PLPPR1: variants seen among roughly 807,000 people sequenced by gnomAD.
PLPPR1 encodes phospholipid phosphatase related 1, also known as phospholipid phosphatase-related protein type 1.
PLPPR1 carries 10 observed loss-of-function variants against 33.1 expected under a neutral mutation model. The ratio of observed to expected loss-of-function variants is 0.30; its 90% CI spans 0.19 to 0.51. The LOEUF (loss-of-function observed/expected upper bound fraction) is 0.51. PLPPR1 is among the 20% of genes least tolerant of loss of function. The pLI is 0.97. For synonymous variants in PLPPR1, 151 were observed against 151.0 expected (o/e 1.00, Z 0.00); for missense variants, 304 against 408.1 (o/e 0.74, Z 2.20).
intron 1 of PLPPR1, among the ~76,000 whole-genome samples, chr9:101,178,048 C>T (rs1475711472): frequency 1.3e-5 from 2 of 152,188 alleles, no homozygotes; most frequent in Non-Finnish European, 2.9e-5. Flanking sequence ...TGGCCAAACA[C>T]TGTGAAGTTA....
intron 4 of PLPPR1, among the ~76,000 whole-genome samples, chr9:101,287,870 T>C (rs955429929): frequency 6.6e-6 from 1 of 152,126 alleles, no homozygotes; most frequent in Admixed American, 6.5e-5. Context: ...TAAAGTAACT[T>C]TTCCCCAGGA....
At chr9:101,069,204 C>T (rs979772252) in intron 1 of PLPPR1, among the ~76,000 whole-genome samples, 2 of 151,682 alleles carry the variant, frequency 1.3e-5, no homozygotes, top group African/African-American at 4.9e-5. Context: ...CTCCTGATAA[C>T]CTGTGAGTTG....
intron 3 of PLPPR1, among the ~76,000 whole-genome samples, chr9:101,273,333 A>G (rs1828132225): frequency 6.6e-6 from 1 of 152,218 alleles, no homozygotes; most frequent in African/African-American, 2.4e-5. Flanking sequence ...TGACTCTGGT[A>G]ACTTGGCATA....
intron 1 of PLPPR1, among the ~76,000 whole-genome samples, chr9:101,149,091 C>G (rs944263936): frequency 6.6e-6 from 1 of 152,104 alleles, no homozygotes; most frequent in Non-Finnish European, 1.5e-5. Flanking sequence ...TGTATTCTTG[C>G]AGAAATTTGC....
chr9:101,136,338 G>A (rs1831376819), intron 1 of PLPPR1, among the ~76,000 whole-genome samples: 1 of 152,230 alleles, frequency 6.6e-6, no homozygotes, highest in South Asian at 2.1e-4. Context: ...AGTTGAGAGA[G>A]TAAATACATG....
At chr9:101,196,792 G>C (rs896298891) in intron 2 of PLPPR1, among the ~76,000 whole-genome samples, 2 of 152,066 alleles carry the variant, frequency 1.3e-5, no homozygotes, top group African/African-American at 4.8e-5. Context: ...GTGAACCCGG[G>C]AGGCAGAGCT....
At chr9:101,199,604 A>G (rs1826458715) in intron 2 of PLPPR1, among the ~76,000 whole-genome samples, 1 of 152,172 alleles carries the variant, frequency 6.6e-6, no homozygotes, top group Non-Finnish European at 1.5e-5. Flanking sequence ...TCAGAATTGG[A>G]CTGGCAAAGT....
intron 1 of PLPPR1, among the ~76,000 whole-genome samples, chr9:101,178,963 A>G (rs1270944164): frequency 6.6e-6 from 1 of 152,146 alleles, no homozygotes; most frequent in African/African-American, 2.4e-5. Flanking sequence ...ACCAGGAGAT[A>G]CAACAATGAT....
At chr9:101,126,807 G>C (rs1441358584) in intron 1 of PLPPR1, among the ~76,000 whole-genome samples, 1 of 152,102 alleles carries the variant, frequency 6.6e-6, no homozygotes, top group South Asian at 2.1e-4. Context: ...GAAGTTAGTT[G>C]TGTATGCTCA....
At chr9:101,253,296 C>T (rs1827743543) in intron 2 of PLPPR1, among the ~76,000 whole-genome samples, 1 of 151,776 alleles carries the variant, frequency 6.6e-6, no homozygotes, top group Non-Finnish European at 1.5e-5. Context: ...GCCTGTAATC[C>T]CAGCACTTTG....
At chr9:101,244,289 A>G (rs573807611) in intron 2 of PLPPR1, among the ~76,000 whole-genome samples, 74 of 152,170 alleles carry the variant, frequency 4.9e-4, no homozygotes, top group African/African-American at 1.7e-3. Context: ...AAGAAAAAAA[A>G]TCAAAGCATG....
chr9:101,276,471 C>T (rs1828198297), intron 3 of PLPPR1, among the ~76,000 whole-genome samples: 1 of 152,038 alleles, frequency 6.6e-6, no homozygotes, highest in South Asian at 2.1e-4. Context: ...TATACCCCTC[C>T]TAATAATTGA....
At chr9:101,205,047 T>G (rs987240853) in intron 2 of PLPPR1, among the ~76,000 whole-genome samples, 12 of 152,156 alleles carry the variant, frequency 7.9e-5, no homozygotes, top group African/African-American at 2.9e-4. Context: ...TAAGTCCCTA[T>G]TAGAAGAAAG....
intron 1 of PLPPR1, among the ~76,000 whole-genome samples, chr9:101,169,663 T>A (rs907831793): frequency 6.7e-5 from 10 of 149,642 alleles, no homozygotes; most frequent in Admixed American, 4.1e-4. Context: ...CTCAGACTTT[T>A]AAAAAAAAAT....
chr9:101,308,354 G>C (rs1828892488), intron 4 of PLPPR1, among the ~76,000 whole-genome samples: 1 of 152,190 alleles, frequency 6.6e-6, no homozygotes, highest in African/African-American at 2.4e-5. Context: ...GCAACTTCTA[G>C]AACACATGGA....
chr9:101,243,578 A>C (rs1191236039), intron 2 of PLPPR1, among the ~76,000 whole-genome samples: 1 of 152,014 alleles, frequency 6.6e-6, no homozygotes, highest in Non-Finnish European at 1.5e-5. Flanking sequence ...TTTTCAGAGA[A>C]GGAAGTACTG....
intron 1 of PLPPR1, among the ~76,000 whole-genome samples, chr9:101,081,459 C>A (rs534017951): frequency 6.6e-6 from 1 of 152,290 alleles, no homozygotes; most frequent in Admixed American, 6.5e-5. Context: ...TCCCAAAGTG[C>A]TGGGATTACA....
chr9:101,073,433 G>A (rs547527311), intron 1 of PLPPR1, among the ~76,000 whole-genome samples: 2 of 151,990 alleles, frequency 1.3e-5, no homozygotes, highest in South Asian at 4.2e-4. Flanking sequence ...TTCATTAAAA[G>A]TGAACCATCC....
chr9:101,157,728 A>C (rs2771066), intron 1 of PLPPR1, among the ~76,000 whole-genome samples: 26 of 151,910 alleles, frequency 1.7e-4, no homozygotes, highest in Non-Finnish European at 3.4e-4. Context: ...GGGGCCGGGC[A>C]TGGTGACTCA....
Sources: gnomAD v4.1 joint callset for allele counts (sites outside exome capture counted in the v4.1 genomes callset) on GRCh38, gnomAD v4.1.1 for gene constraint, MANE v1.5 for transcripts, NCBI Gene and HGNC (gene_info 2026-07-23, HGNC 2026-07-21) for gene names.